ZNF277: variants seen among roughly 807,000 people sequenced by gnomAD.
ZNF277 encodes nuclear receptor-interacting factor 4.
In ZNF277, 55 loss-of-function variants were observed where a neutral mutation model predicts 60.7. The ratio of observed to expected loss-of-function variants is 0.91; its 90% CI spans 0.73 to 1.13. ZNF277 has a LOEUF of 1.13. ZNF277 is among the 50% of genes most tolerant of loss of function. The probability of loss-of-function intolerance (pLI) is 0.00; values close to 1 mark genes in which losing one functional copy is unlikely to be tolerated. For synonymous variants in ZNF277, 178 were observed against 179.3 expected (o/e 0.99, Z 0.06); for missense variants, 510 against 523.0 (o/e 0.98, Z 0.24).
At chr7:112,271,943 A>G (rs1232803514) in intron 1 of ZNF277, among the ~76,000 whole-genome samples, 1 of 152,206 alleles carries the variant, frequency 6.6e-6, no homozygotes, top group African/African-American at 2.4e-5. Context: ...TTTGTCTTAC[A>G]AACATTCTAA....
At chr7:112,333,818 CACAA>C (rs1793275714) in intron 7 of ZNF277, among the ~76,000 whole-genome samples, 1 of 152,170 alleles carries the variant, frequency 6.6e-6, no homozygotes. Context: ...TTTGTTTTCT[CACAA>C]ACAAAAGAGT....
At chr7:112,285,496 G>A (rs1236295313) in intron 1 of ZNF277, among the ~76,000 whole-genome samples, 3 of 146,806 alleles carry the variant, frequency 2.0e-5, no homozygotes, top group South Asian at 2.1e-4. Context: ...GTGCAGTGGC[G>A]CCATCTCAGC....
intron 1 of ZNF277, among the ~76,000 whole-genome samples, chr7:112,248,829 C>A (rs1030895108): frequency 3.3e-5 from 5 of 152,066 alleles, no homozygotes; most frequent in African/African-American, 1.2e-4. Context: ...TTAATGTTCC[C>A]TGAATTCTTA....
chr7:112,305,113 T>C (rs894811738), intron 4 of ZNF277, among the ~76,000 whole-genome samples: 4 of 152,112 alleles, frequency 2.6e-5, no homozygotes, highest in Non-Finnish European at 1.5e-5. Flanking sequence ...TCTCATGAGC[T>C]GGGCCCAGTG....
chr7:112,221,664 T>C (rs1822035084), intron 1 of ZNF277, among the ~76,000 whole-genome samples: 1 of 152,224 alleles, frequency 6.6e-6, no homozygotes, highest in Non-Finnish European at 1.5e-5. Flanking sequence ...CGTTAGATTC[T>C]CATAAGGAGT....
chr7:112,208,673 G>GTTTTTTTTTTT (rs1407981050), intron 1 of ZNF277, among the ~76,000 whole-genome samples: 1 of 56,860 alleles, frequency 1.8e-5, no homozygotes, highest in African/African-American at 5.8e-5. Context: ...TGTATGATTT[G>GTTTTTTTTTTT]ATTTTTTTTT....
At chr7:112,287,971 A>G (rs189137117) in intron 2 of ZNF277, 11 of 144,480 alleles carry the variant, frequency 7.6e-5, no homozygotes, top group Admixed American at 5.3e-4. Flanking sequence ...GCAGCATTCC[A>G]TGACATTGTA....
At position 112,276,008 on chromosome 7, in the gene ZNF277, G is replaced by T. The variant is rs184608020; in HGVS notation, c.92-10865G>T. 1.4e-3 allele frequency among the ~76,000 whole-genome samples: 207 copies of T among 152,346 alleles called. 1 individual carries two copies. The highest frequency in any genetic ancestry group is 4.9e-3 in the African/African-American group (204 of 41,582). ...GAGGGAAAGGAGCTTCATCAGTGTT[G>T]TATTGTCAACCATGTAATTCACCCA... is the stretch of plus-strand genomic sequence containing the variant. On this transcript the variant is annotated intron_variant, in intron 1 of 11. Transcript: ENST00000361822.
At chr7:112,247,406 T>G (rs78126103) in intron 1 of ZNF277, among the ~76,000 whole-genome samples, 6,673 of 152,236 alleles carry the variant, frequency 0.044, 346 homozygotes, top group African/African-American at 0.13. Context: ...CAGATTGACA[T>G]GAGCAAATTG....
At chr7:112,208,674 AT>A (rs869082099) in intron 1 of ZNF277, among the ~76,000 whole-genome samples, 21 of 72,804 alleles carry the variant, frequency 2.9e-4, no homozygotes, top group African/African-American at 1.1e-3. Context: ...GTATGATTTG[AT>A]TTTTTTTTTT....
At chr7:112,341,648 T>C (rs1793447566) in intron 11 of ZNF277, among the ~76,000 whole-genome samples, 1 of 152,238 alleles carries the variant, frequency 6.6e-6, no homozygotes, top group Non-Finnish European at 1.5e-5. Context: ...TGGATTCCCA[T>C]GTATCCTTTG....
At chr7:112,238,903 G>A (rs766302395) in intron 1 of ZNF277, among the ~76,000 whole-genome samples, 4 of 152,020 alleles carry the variant, frequency 2.6e-5, no homozygotes, top group African/African-American at 4.8e-5. Context: ...CGCCCTGAAC[G>A]TGCCCGACCT....
At chr7:112,234,682 T>G (rs896911350) in intron 1 of ZNF277, among the ~76,000 whole-genome samples, 1 of 152,158 alleles carries the variant, frequency 6.6e-6, no homozygotes, top group Non-Finnish European at 1.5e-5. Context: ...CCAAAGTTTT[T>G]GATGTATGTC....
chr7:112,277,891 C>T (rs1435049251), intron 1 of ZNF277, among the ~76,000 whole-genome samples: 4 of 152,142 alleles, frequency 2.6e-5, no homozygotes, highest in African/African-American at 9.7e-5. Flanking sequence ...ATTGCTAAAA[C>T]ATATGTTTGA....
At position 112,340,960 on chromosome 7, in the gene ZNF277, C is replaced by T. The variant is rs76270609; in HGVS notation, c.1098C>T (p.Phe366=). The T allele has an allele frequency of 2.5e-3, 4,025 of 1,612,678 alleles. 94 individuals are homozygous for T. The African/African-American group carries it at 0.047, about 19-fold the overall frequency. Residue 366 remains phenylalanine (F), a synonymous_variant, in exon 11 of 12, where the codon TTC becomes TTT. Coordinates refer to ENST00000361822, the MANE Select transcript of ZNF277 (RefSeq NM_021994.3). ...QCRCYGCHVK[F]KSKADLRTHM... ...GATGTTATGGCTGCCATGTGAAGTT[C>T]AAATCCAAAGCAGACTTAAGAACTC...
intron 2 of ZNF277, 119 bp from the exon 3 acceptor site, chr7:112,295,750 T>C (rs1792309855): frequency 2.7e-6 from 2 of 736,902 alleles, no homozygotes; most frequent in African/African-American, 1.8e-5. Flanking sequence ...AAAAGCAGTT[T>C]TAAGTTAACA....
At chr7:112,299,085 C>CA (rs1444186907) in intron 4 of ZNF277, among the ~76,000 whole-genome samples, 1 of 151,994 alleles carries the variant, frequency 6.6e-6, no homozygotes, top group Non-Finnish European at 1.5e-5. Context: ...AGAGGATCAA[C>CA]AAAAAGTAAA....
chr7:112,303,454 A>G (rs1281376615), intron 4 of ZNF277, among the ~76,000 whole-genome samples: 1 of 152,064 alleles, frequency 6.6e-6, no homozygotes, highest in East Asian at 1.9e-4. Flanking sequence ...ATTTTCTTTT[A>G]AAACTGTACC....
chr7:112,245,027 T>C (rs1413040909), intron 1 of ZNF277, among the ~76,000 whole-genome samples: 1 of 152,154 alleles, frequency 6.6e-6, no homozygotes, highest in African/African-American at 2.4e-5. Context: ...ACAGAAAAGA[T>C]CAAATTATAT....
Sources: gnomAD v4.1 joint callset for allele counts (sites outside exome capture counted in the v4.1 genomes callset) on GRCh38, gnomAD v4.1.1 for gene constraint, MANE v1.5 for transcripts, NCBI Gene and HGNC (gene_info 2026-07-23, HGNC 2026-07-21) for gene names.